Variants in NAALADL2 observed in about 807,000 individuals in gnomAD.
The protein encoded by NAALADL2 is N-acetylated alpha-linked acidic dipeptidase like 2.
NAALADL2 carries 76 observed loss-of-function variants against 87.2 expected under a neutral mutation model. The observed-to-expected ratio is 0.87, with a 90% CI of 0.72 to 1.05. NAALADL2 has a LOEUF of 1.05. Ranked by LOEUF, NAALADL2 falls within the 50% of genes least tolerant of loss-of-function variation. NAALADL2 has a pLI of 0.00. For missense variants in NAALADL2, 1,089 were observed against 945.8 expected, an observed-to-expected ratio of 1.15 and a Z score of -1.99; for synonymous variants, 354 against 331.0, an observed-to-expected ratio of 1.07 and a Z score of -0.75.
At chr3:175,088,096 T>C (rs2108296058) in intron 1 of NAALADL2, among the ~76,000 whole-genome samples, 1 of 152,276 alleles carries the variant, frequency 6.6e-6, no homozygotes, top group South Asian at 2.1e-4. Context: ...ATATGATCTT[T>C]AGTTTATAAG....
intron 1 of NAALADL2, among the ~76,000 whole-genome samples, chr3:174,453,550 C>G (rs1019579165): frequency 3.3e-5 from 5 of 152,196 alleles, no homozygotes; most frequent in African/African-American, 1.2e-4. Flanking sequence ...GGAAGCCCAT[C>G]AGCTAACAAT....
At chr3:174,564,553 T>G (rs1714008630) in intron 2 of NAALADL2, among the ~76,000 whole-genome samples, 1 of 152,218 alleles carries the variant, frequency 6.6e-6, no homozygotes, top group Non-Finnish European at 1.5e-5. Context: ...TTTCTATAAC[T>G]GTTAATTTTG....
chr3:175,323,401 G>A (rs980114208), intron 4 of NAALADL2, among the ~76,000 whole-genome samples: 2 of 150,220 alleles, frequency 1.3e-5, no homozygotes, highest in African/African-American at 2.5e-5. Context: ...TGACGAGTTA[G>A]TGGGTGCAGC....
At chr3:175,765,872 A>G (rs1250019697) in intron 13 of NAALADL2, among the ~76,000 whole-genome samples, 2 of 152,134 alleles carry the variant, frequency 1.3e-5, no homozygotes, top group Non-Finnish European at 2.9e-5. Flanking sequence ...CCCTTTATAC[A>G]TATAAGAAAA....
At position 174,654,368 on chromosome 3, in the gene NAALADL2, A is replaced by G. The variant is rs1724692120; in HGVS notation, c.-114-83273A>G. Among the ~76,000 whole-genome samples the G allele has an allele frequency of 2.6e-5, 4 of 152,150 alleles. No homozygotes were observed. The South Asian group carries it at 8.3e-4, about 32-fold the overall frequency. On this transcript the variant is annotated intron_variant, in intron 2 of 3. Transcript: ENST00000434257. Reference sequence around the variant, plus strand: ...TAAAAATAAAGATTAATTAGATATCATAATAATGAAATCAATGATTCTTAA... The same window carrying G: ...TAAAAATAAAGATTAATTAGATATCGTAATAATGAAATCAATGATTCTTAA...
rs374025909 is a variant in NAALADL2 at position 174,783,559 on chromosome 3, A to T, written c.-9+45813A>T. Among the ~76,000 whole-genome samples the T allele has an allele frequency of 1.8e-3, 272 of 152,248 alleles. 2 individuals carry two copies. Among genetic ancestry groups the T allele is most frequent in the African/African-American group, 6.4e-3 (264 of 41,558 alleles). On this transcript the variant is annotated intron_variant, in intron 3 of 3. Coordinates refer to the NAALADL2 transcript ENST00000434257. Reference sequence around the variant, plus strand: ...CATTTTGCAACCGTGGCAAATTGTCAATTTGTAGGCCAAATTTAGCCCATA... The same window carrying T: ...CATTTTGCAACCGTGGCAAATTGTCTATTTGTAGGCCAAATTTAGCCCATA...
chr3:174,911,732 C>T (rs1733735877), intron 1 of NAALADL2, among the ~76,000 whole-genome samples: 1 of 152,090 alleles, frequency 6.6e-6, no homozygotes, highest in South Asian at 2.1e-4. Flanking sequence ...GTCTGTTTCC[C>T]TTGTTCCTGA....
intron 5 of NAALADL2, among the ~76,000 whole-genome samples, chr3:175,343,921 C>A (rs1016704792): frequency 6.6e-6 from 1 of 151,810 alleles, no homozygotes; most frequent in South Asian, 2.1e-4. Context: ...AAAGAGAAAG[C>A]AACTAAACCA....
At chr3:175,246,886 C>T (rs1748089013) in intron 3 of NAALADL2, among the ~76,000 whole-genome samples, 2 of 152,138 alleles carry the variant, frequency 1.3e-5, no homozygotes, top group South Asian at 2.1e-4. Context: ...AAGAGTCTCA[C>T]ATTTTTAGTT....
intron 2 of NAALADL2, among the ~76,000 whole-genome samples, chr3:174,698,587 G>A (rs1264444177): frequency 2.1e-5 from 2 of 95,556 alleles, no homozygotes; most frequent in Non-Finnish European, 3.5e-5. Flanking sequence ...TTTCATGGCC[G>A]GGCGCGGTGG....
intron 9 of NAALADL2, among the ~76,000 whole-genome samples, chr3:175,535,705 T>C (rs1008542502): frequency 1.3e-5 from 2 of 152,278 alleles, no homozygotes; most frequent in Admixed American, 1.3e-4. Flanking sequence ...CATATTTATA[T>C]ACTATAGGAA....
intron 11 of NAALADL2, among the ~76,000 whole-genome samples, chr3:175,628,226 T>C (rs1277020001): frequency 1.3e-5 from 2 of 151,776 alleles, no homozygotes; most frequent in Non-Finnish European, 3.0e-5. Context: ...AAGACTTTTT[T>C]CTATAAAATA....
At chr3:175,494,556 A>G (rs1455842802) in intron 9 of NAALADL2, among the ~76,000 whole-genome samples, 2 of 152,130 alleles carry the variant, frequency 1.3e-5, no homozygotes. Context: ...AGTTCTAGTT[A>G]CCAGTATCAT....
chr3:175,518,319 A>C (rs115132448), intron 9 of NAALADL2, among the ~76,000 whole-genome samples: 3 of 152,176 alleles, frequency 2.0e-5, no homozygotes, highest in Non-Finnish European at 2.9e-5. Context: ...ATTTTCAAAC[A>C]ACAATTAAAC....
chr3:174,549,043 G>T (rs1560047217), intron 1 of NAALADL2, among the ~76,000 whole-genome samples: 2 of 152,178 alleles, frequency 1.3e-5, no homozygotes, highest in Admixed American at 6.5e-5. Flanking sequence ...GTTTCAACAT[G>T]TTGCCCAGTG....
intron 5 of NAALADL2, among the ~76,000 whole-genome samples, chr3:175,437,426 A>C (rs1294435784): frequency 1.4e-5 from 2 of 143,502 alleles, no homozygotes; most frequent in East Asian, 4.0e-4. Context: ...GAGAACTACA[A>C]ACCACTGCTC....
chr3:174,976,520 C>T (rs73881582), intron 1 of NAALADL2, among the ~76,000 whole-genome samples: 3,111 of 152,270 alleles, frequency 0.02, 90 homozygotes, highest in African/African-American at 0.071. Context: ...GTTATAAAAG[C>T]AGCTTCTTAA....
rs983543917 is a variant in NAALADL2, at chr3:174,760,114, A to C, written c.-9+22368A>C. ...TAGAGCAGGCAGTAATTTTCTTCCCATTTTATGTATGCAAGGAAACTGATT... is the reference window on the plus strand; with the variant it reads ...TAGAGCAGGCAGTAATTTTCTTCCCCTTTTATGTATGCAAGGAAACTGATT... On this transcript the variant is annotated intron_variant, in intron 3 of 3. Transcript: ENST00000434257. Among the ~76,000 whole-genome samples the C allele has an allele frequency of 2.0e-5, 3 of 152,096 alleles. No individual in the cohort carries two copies. In the South Asian group the frequency reaches 6.2e-4, roughly 32 times the overall value.
In NAALADL2 at chr3:175,011,320, G is replaced by GAGAA. The variant is rs1491557704; in HGVS notation, c.44-85469_44-85468insGAAA. On this transcript the variant is annotated intron_variant, in intron 1 of 13. Coordinates refer to ENST00000454872, the MANE Select transcript of NAALADL2 (RefSeq NM_207015.3). ...AGAGAGAGAGAGAGAGAGAGAGAGA[G>GAGAA]ACTAATTCTGATTATTCCAAGTTTT... 1.9e-3 allele frequency among the ~76,000 whole-genome samples: 268 copies of GAGAA among 141,788 alleles called. 1 individual carries two copies. Among genetic ancestry groups the GAGAA allele is most frequent in the African/African-American group, 6.4e-3 (251 of 39,016 alleles). 93.0% of individuals were successfully genotyped at this position (141,788 alleles called of 152,430 possible). A position where few individuals can be genotyped will look rare whatever the true frequency, so the allele number is the denominator to read the frequency against.
Sources: allele counts gnomAD v4.1 joint callset (sites outside exome capture counted in the v4.1 genomes callset), GRCh38; gene constraint gnomAD v4.1.1; transcripts MANE v1.5; gene names NCBI Gene and HGNC (gene_info 2026-07-23, HGNC 2026-07-21).